MOCOS: variants seen among roughly 807,000 people sequenced by gnomAD.
The protein encoded by MOCOS is molybdenum cofactor sulfurase, also known as human molybdenum cofactor sulfurase.
MOCOS carries 86 observed loss-of-function variants against 83.6 expected under a neutral mutation model. The observed-to-expected ratio is 1.03, with a 90% confidence interval of 0.86 to 1.23. The LOEUF is 1.23. Ranked by LOEUF, MOCOS falls within the 50% of genes most tolerant of loss-of-function variation. MOCOS has a pLI of 0.00. For synonymous variants in MOCOS, 445 were observed against 434.7 expected (o/e 1.02, Z -0.29); for missense variants, 1,120 against 1,126.9 (o/e 0.99, Z 0.09).
intron 9 of MOCOS, among the ~76,000 whole-genome samples, chr18:36,233,159 T>G (rs535079247): frequency 6.6e-6 from 1 of 152,122 alleles, no homozygotes; most frequent in Admixed American, 6.5e-5. Flanking sequence ...TTGATAATCT[T>G]TTATCTCTCA....
chr18:36,247,569 T>TACA (rs1449062196), intron 9 of MOCOS, among the ~76,000 whole-genome samples: 1 of 152,176 alleles, frequency 6.6e-6, no homozygotes, highest in African/African-American at 2.4e-5. Flanking sequence ...CAGGAGTCCC[T>TACA]ACAGGGCTCT....
In MOCOS at chr18:36,241,949, G is replaced by T. The variant is rs865943600; in HGVS notation, c.1961-6973G>T. Among the ~76,000 whole-genome samples, 17 of 152,322 alleles carry T rather than the reference G, an allele frequency of 1.1e-4. No individual in the cohort carries two copies. In the South Asian group the frequency reaches 3.5e-3, roughly 32 times the overall value. ...GCACCAAATCCTGAGGCTACACACA[G>T]CAGTGGGGCCCTGAGCCTGACCCGC... On this transcript the variant is annotated intron_variant, in intron 9 of 14. Coordinates refer to ENST00000261326, the MANE Select transcript of MOCOS (RefSeq NM_017947.4).
At chr18:36,195,858 A>C (rs2091385323) in intron 2 of MOCOS, among the ~76,000 whole-genome samples, 1 of 152,250 alleles carries the variant, frequency 6.6e-6, no homozygotes, top group Non-Finnish European at 1.5e-5. Flanking sequence ...AGGACTATGG[A>C]CAAAAGGTGC....
At chr18:36,212,933 T>G (rs532877706) in intron 6 of MOCOS, among the ~76,000 whole-genome samples, 11 of 152,224 alleles carry the variant, frequency 7.2e-5, no homozygotes, top group African/African-American at 2.6e-4. Flanking sequence ...CAGGGGCTCA[T>G]GTGAATGAGA....
intron 6 of MOCOS, among the ~76,000 whole-genome samples, chr18:36,210,225 A>T (rs2091449306): frequency 6.6e-6 from 1 of 152,184 alleles, no homozygotes; most frequent in Non-Finnish European, 1.5e-5. Flanking sequence ...TTCCCAAGGA[A>T]TCTTTTTCTC....
At chr18:36,192,062 G>A (rs1406302588) in intron 1 of MOCOS, among the ~76,000 whole-genome samples, 1 of 152,166 alleles carries the variant, frequency 6.6e-6, no homozygotes, top group African/African-American at 2.4e-5. Context: ...CAAGACAAAA[G>A]TGCCTGTTCT....
At chr18:36,199,545 G>A (rs1248127090) in intron 3 of MOCOS, 138 bp from the exon 4 acceptor site, 49 of 1,344,814 alleles carry the variant, frequency 3.6e-5, no homozygotes, top group East Asian at 9.4e-5. Flanking sequence ...CATTGCCCTC[G>A]CCCTAATTTC....
intron 9 of MOCOS, among the ~76,000 whole-genome samples, chr18:36,244,495 C>A (rs1209512463): frequency 6.6e-6 from 1 of 151,974 alleles, no homozygotes; most frequent in Non-Finnish European, 1.5e-5. Context: ...GGTACTTGAT[C>A]TAATTTCAAT....
intron 1 of MOCOS, 117 bp from the exon 2 acceptor site, chr18:36,195,126 TAAGAGGCACATATC>T (rs1354292506): frequency 3.9e-6 from 3 of 777,102 alleles, no homozygotes; most frequent in Non-Finnish European, 6.8e-6. Flanking sequence ...ACACTTGGAT[TAAGAGGCACATATC>T]AAGAGGCACA....
intron 9 of MOCOS, among the ~76,000 whole-genome samples, chr18:36,240,961 C>T (rs540617869): frequency 1.6e-3 from 248 of 152,322 alleles, no homozygotes; most frequent in African/African-American, 4.7e-3. Context: ...TTGTGCTTCC[C>T]GAGTGAGGCA....
At chr18:36,213,601 T>G (rs1292121014) in intron 7 of MOCOS, 119 bp downstream of exon 7, 1 of 841,344 alleles carries the variant, frequency 1.2e-6, no homozygotes, top group Non-Finnish European at 2.0e-6. Flanking sequence ...GCCTACTCTG[T>G]GCATGTACAA....
intron 8 of MOCOS, among the ~76,000 whole-genome samples, chr18:36,217,173 T>C (rs1448628827): frequency 1.1e-4 from 16 of 152,120 alleles, no homozygotes; most frequent in Admixed American, 9.8e-4. Flanking sequence ...ATTTTGATGG[T>C]TGTACTGGGG....
Position 36,266,524 on chromosome 18 carries a change from C to T in MOCOS, c.2410-225C>T, listed in dbSNP as rs118103472. ...CCATTCTCCAACATTTCCTGAGAACCGTCAAGATCTCAGTCCCTCTTTTCT... is the reference window on the plus strand; with the variant it reads ...CCATTCTCCAACATTTCCTGAGAACTGTCAAGATCTCAGTCCCTCTTTTCT... On this transcript the variant is annotated intron_variant, in intron 13 of 14. Transcript: ENST00000261326. 0.022 allele frequency among the ~76,000 whole-genome samples: 3,373 copies of T among 152,220 alleles called. 60 individuals carry two copies. Among genetic ancestry groups the T allele is most frequent in the Non-Finnish European group, 0.035 (2,412 of 68,026 alleles).
intron 9 of MOCOS, 85 bp downstream of exon 9, chr18:36,220,302 AACCCATCAGCCTGGG>A (rs2091491414): frequency 6.5e-7 from 1 of 1,542,230 alleles, no homozygotes; most frequent in African/African-American, 1.4e-5. Flanking sequence ...GTGTTAGAAT[AACCCATCAGCCTGGG>A]CAATACAGTG....
Position 36,213,462 on chromosome 18 carries a change from A to G in MOCOS, c.1315A>G (p.Met439Val), listed in dbSNP as rs1568054011. The G allele has an allele frequency of 1.9e-6, 3 of 1,613,828 alleles. No homozygotes were observed. Among genetic ancestry groups the G allele is most frequent in the South Asian group, 1.1e-5 (1 of 91,062 alleles). The part of the protein sequence containing the change: ...CQRHLGISNE[M>V]VRKHFQAGHV... ...GAGGCACCTGGGCATAAGCAACGAG[A>G]TGGTCAGGAAGCATTTTCAGGTTGG... The change falls in exon 7 of 15, where the codon ATG (methionine) becomes GTG (valine). Residue 439 changes from methionine (M) to valine (V), a missense_variant. Physicochemically the swap from Met to Val is conservative, Grantham distance 21. Transcript: ENST00000261326.
rs377743680 is a variant in MOCOS, at chr18:36,249,018, G to T, written c.2039+18G>T. The T allele has an allele frequency of 6.2e-7, 1 of 1,608,550 alleles. No homozygotes were observed. ...GCTGACAGGTGAGACTCTGAAGCAC[G>T]TGAAAATCTCAGCTTTATTGACAGG... On this transcript the variant is annotated intron_variant, in intron 10 of 14. Coordinates refer to ENST00000261326, the MANE Select transcript of MOCOS (RefSeq NM_017947.4).
rs2091659122 is a variant in MOCOS, at chr18:36,260,294, A to G, written c.2409+119A>G. ...TCCCAGTCCTTGTCTCTTAACTACA[A>G]AATCTTGGTGGGAGGTTATGTAAGC... On this transcript the variant is annotated intron_variant, in intron 13 of 14. Coordinates refer to ENST00000261326, the MANE Select transcript of MOCOS (RefSeq NM_017947.4). 3 of 1,330,486 alleles carry G rather than the reference A, an allele frequency of 2.3e-6. No individual in the cohort carries two copies. In the South Asian group the frequency reaches 3.7e-5, roughly 16 times the overall value. The allele number at this position is 1,330,486 out of a possible 1,614,324, so 82.4% of individuals were successfully genotyped here.
At chr18:36,209,857 A>G (rs2091447861) in intron 6 of MOCOS, among the ~76,000 whole-genome samples, 1 of 152,038 alleles carries the variant, frequency 6.6e-6, no homozygotes, top group Non-Finnish European at 1.5e-5. Context: ...CCCAGTAGTG[A>G]CACCTGGCTA....
chr18:36,235,402 A>G (rs2091554347), intron 9 of MOCOS, among the ~76,000 whole-genome samples: 1 of 130,822 alleles, frequency 7.6e-6, no homozygotes, highest in African/African-American at 2.9e-5. Context: ...TGTTCTTGTG[A>G]TAGTTTACTG....
Sources: allele counts gnomAD v4.1 joint callset (sites outside exome capture counted in the v4.1 genomes callset), GRCh38; gene constraint gnomAD v4.1.1; transcripts MANE v1.5; gene names NCBI Gene and HGNC (gene_info 2026-07-23, HGNC 2026-07-21).